Variants in MED12L observed in about 807,000 individuals in gnomAD.
MED12L encodes the protein mediator of RNA polymerase II transcription subunit 12-like protein.
In MED12L, 60 loss-of-function variants were observed where a neutral mutation model predicts 281.3. The ratio of observed to expected loss-of-function variants is 0.21; its 90% confidence interval spans 0.17 to 0.26. The LOEUF is 0.26. MED12L is among the 10% of genes least tolerant of loss of function. The probability of loss-of-function intolerance (pLI) is 1.00; values close to 1 mark genes in which losing one functional copy is unlikely to be tolerated. For missense variants in MED12L, 2,146 were observed against 2,680.9 expected (o/e 0.80, Z 4.41); for synonymous variants, 974 against 987.2 (o/e 0.99, Z 0.25).
At chr3:151,383,316 C>T (rs1454508640) in intron 33 of MED12L, among the ~76,000 whole-genome samples, 1 of 152,158 alleles carries the variant, frequency 6.6e-6, no homozygotes, top group South Asian at 2.1e-4. Context: ...GGTAGGTGTG[C>T]GGGCCAAGCC....
chr3:151,364,974 C>G lies in MED12L; in HGVS notation c.2958-5C>G, dbSNP rs372078738. On this transcript the variant is annotated splice_polypyrimidine_tract_variant and splice_region_variant and intron_variant, in intron 21 of 44. Transcript: ENST00000687756. ...CTGTTTTAACTTTTTTTCTTATAAC[C>G]TCAGTAGTGCCTGTTCAAAAGTAAA... 6.2e-5 allele frequency: 100 copies of G among 1,605,032 alleles called. No homozygotes were observed. Among genetic ancestry groups the G allele is most frequent in the Non-Finnish European group, 7.8e-5 (92 of 1,172,054 alleles).
At chr3:151,353,741 A>G (rs1051545205) in intron 17 of MED12L, among the ~76,000 whole-genome samples, 1 of 152,238 alleles carries the variant, frequency 6.6e-6, no homozygotes, top group African/African-American at 2.4e-5. Flanking sequence ...TGTGTCTTTA[A>G]TAGAGAAATC....
Position 151,405,575 on chromosome 3 carries a change from C to T in MED12L, c.5821-3668C>T, listed in dbSNP as rs138843394. Among the ~76,000 whole-genome samples the T allele has an allele frequency of 1.5e-4, 23 of 152,130 alleles. 1 individual carries two copies. The highest frequency in any genetic ancestry group is 7.2e-4 in the Admixed American group (11 of 15,276). The stretch of plus-strand genomic sequence containing the variant: ...TCTCTTGAGTCCAGGAATTTGAGGC[C>T]GCAGTGAAGTATGATCTTGCCACTG... On this transcript the variant is annotated intron_variant, in intron 39 of 44. Transcript: ENST00000687756.
At chr3:151,229,488 T>C (rs1731201836) in intron 16 of MED12L, among the ~76,000 whole-genome samples, 2 of 143,816 alleles carry the variant, frequency 1.4e-5, no homozygotes, top group Admixed American at 1.4e-4. Flanking sequence ...TTTTTTTTTT[T>C]TTTTTTTTGA....
intron 16 of MED12L, among the ~76,000 whole-genome samples, chr3:151,292,254 T>G (rs1466374448): frequency 6.6e-6 from 1 of 151,704 alleles, no homozygotes. Flanking sequence ...ATAGGACATG[T>G]ACTGAAGGTA....
chr3:151,131,296 A>G (rs1243818086), intron 5 of MED12L, among the ~76,000 whole-genome samples: 2 of 152,192 alleles, frequency 1.3e-5, no homozygotes, highest in Non-Finnish European at 2.9e-5. Context: ...ACTTAAAACG[A>G]TTTTAGAGCA....
At chr3:151,301,196 T>A (rs999538492) in intron 16 of MED12L, among the ~76,000 whole-genome samples, 2 of 152,194 alleles carry the variant, frequency 1.3e-5, no homozygotes, top group Non-Finnish European at 2.9e-5. Context: ...GAGGTAAAAC[T>A]CTACTTTCTT....
chr3:151,337,824 G>A, intron 16 of MED12L: 2 of 1,613,596 alleles, frequency 1.2e-6, no homozygotes, highest in Non-Finnish European at 8.5e-7. Flanking sequence ...TGTTTACATT[G>A]GAGTCTCTTC....
Position 151,411,264 on chromosome 3 carries a change from G to A in MED12L, c.5911-14G>A. 6.2e-7 allele frequency: 1 copy of A among 1,611,096 alleles called. No individual in the cohort carries two copies. Among genetic ancestry groups the A allele is most frequent in the Admixed American group, 1.7e-5 (1 of 60,018 alleles). On this transcript the variant is annotated splice_polypyrimidine_tract_variant and intron_variant, in intron 40 of 44. Transcript: ENST00000687756. ...AGTTGAAACATTGACTTCTTCCCTTGTGCCTACCTGCAGACCATGCCACAG... is the reference window on the plus strand; with the variant it reads ...AGTTGAAACATTGACTTCTTCCCTTATGCCTACCTGCAGACCATGCCACAG...
At chr3:151,205,827 C>T (rs1726271767) in intron 16 of MED12L, among the ~76,000 whole-genome samples, 1 of 152,110 alleles carries the variant, frequency 6.6e-6, no homozygotes, top group South Asian at 2.1e-4. Context: ...GTCCCCCTTC[C>T]CATTTAGTAT....
chr3:151,106,885 C>G (rs1722140488), intron 2 of MED12L, among the ~76,000 whole-genome samples: 1 of 152,146 alleles, frequency 6.6e-6, no homozygotes, highest in Admixed American at 6.5e-5. Context: ...CATCCATTTC[C>G]TATCAACTTA....
chr3:151,107,169 T>C (rs1722181022), intron 2 of MED12L, among the ~76,000 whole-genome samples: 2 of 152,188 alleles, frequency 1.3e-5, no homozygotes, highest in Non-Finnish European at 2.9e-5. Flanking sequence ...TTATACTTAT[T>C]TGTGTTGTTT....
chr3:151,122,987 T>G lies in MED12L; in HGVS notation c.396+13T>G, dbSNP rs746389207. On this transcript the variant is annotated intron_variant, in intron 4 of 44. Transcript: ENST00000687756. ...TTTGGCAAAAAAGGTATCAAATATT[T>G]CTTACATTGTTTTAGTTATGGTCTT... The G allele has an allele frequency of 1.3e-6, 2 of 1,582,014 alleles. No individual in the cohort carries two copies. Among genetic ancestry groups the G allele is most frequent in the South Asian group, 1.1e-5 (1 of 87,082 alleles).
rs147461607 is a variant in MED12L, at chr3:151,267,689, A to G, written c.2250+74023A>G. ...CTTGTAACATGTATTACTTATATAT[A>G]TAAGTCAGTTTTCAACAGAGCTGCT... On this transcript the variant is annotated intron_variant, in intron 16 of 44. Transcript: ENST00000687756. Among the ~76,000 whole-genome samples the G allele has an allele frequency of 5.0e-3, 767 of 152,252 alleles. 12 individuals are homozygous for G. Among genetic ancestry groups the G allele is most frequent in the African/African-American group, 0.017 (715 of 41,572 alleles).
intron 16 of MED12L, among the ~76,000 whole-genome samples, chr3:151,218,259 C>A (rs1728618703): frequency 6.6e-6 from 1 of 152,140 alleles, no homozygotes; most frequent in South Asian, 2.1e-4. Flanking sequence ...TCAGTTGATT[C>A]ACTGTTTCTT....
At chr3:151,266,815 T>A (rs889093843) in intron 16 of MED12L, among the ~76,000 whole-genome samples, 1 of 152,206 alleles carries the variant, frequency 6.6e-6, no homozygotes, top group Non-Finnish European at 1.5e-5. Context: ...GTGCTGTAGA[T>A]GTCCTACGAA....
intron 35 of MED12L, among the ~76,000 whole-genome samples, chr3:151,384,475 T>A (rs1391082088): frequency 6.6e-6 from 1 of 152,182 alleles, no homozygotes; most frequent in East Asian, 1.9e-4. Flanking sequence ...CACTGTTAAA[T>A]ATATAACCAG....
intron 2 of MED12L, among the ~76,000 whole-genome samples, chr3:151,093,605 C>T (rs1196766700): frequency 2.6e-5 from 4 of 152,186 alleles, no homozygotes; most frequent in Non-Finnish European, 5.9e-5. Context: ...AGTTACTTTC[C>T]TCCTTGAAGT....
chr3:151,248,092 A>C (rs1736088858), intron 16 of MED12L, among the ~76,000 whole-genome samples: 1 of 151,648 alleles, frequency 6.6e-6, no homozygotes, highest in Non-Finnish European at 1.5e-5. Flanking sequence ...GAAAAACTAC[A>C]CAATAATATT....
Sources: allele counts gnomAD v4.1 joint callset (sites outside exome capture counted in the v4.1 genomes callset), GRCh38; gene constraint gnomAD v4.1.1; transcripts MANE v1.5; gene names NCBI Gene and HGNC (gene_info 2026-07-23, HGNC 2026-07-21).